Variants in MLLT3 observed in about 807,000 individuals in gnomAD.
The protein encoded by MLLT3 is MLLT3 super elongation complex subunit.
MLLT3 carries 4 observed loss-of-function variants against 53.2 expected under a neutral mutation model. The ratio of observed to expected loss-of-function variants is 0.08; its 90% CI spans 0.04 to 0.17. The LOEUF (loss-of-function observed/expected upper bound fraction) is 0.17, where lower values mean the gene tolerates loss of function less well. Among genes scored for constraint, MLLT3 ranks in the 10% least tolerant of loss-of-function variants. MLLT3 has a pLI of 1.00. For synonymous variants in MLLT3, 283 were observed against 230.6 expected, an observed-to-expected ratio of 1.23 and a Z score of -2.06; for missense variants, 569 against 684.0, an observed-to-expected ratio of 0.83 and a Z score of 1.87.
chr9:20,448,505 T>TC lies in MLLT3; in HGVS notation c.277-240dup, dbSNP rs994204019. Among the ~76,000 whole-genome samples, 4 of 152,084 alleles carry TC rather than the reference T, an allele frequency of 2.6e-5. No homozygotes were observed. The highest frequency in any genetic ancestry group is 9.7e-5 in the African/African-American group (4 of 41,422). ...ATGAAATAAGAAAAACTTCTCTTCT[T>TC]CCCCATGATCTTTCAGGTGACAGGA... On this transcript the variant is annotated intron_variant, in intron 3 of 10. Coordinates refer to ENST00000380338, the MANE Select transcript of MLLT3 (RefSeq NM_004529.4). The surrounding 1 kb of genome is among the most constrained non-coding windows in gnomAD (Gnocchi z 4.0).
intron 2 of MLLT3, among the ~76,000 whole-genome samples, chr9:20,517,328 G>A (rs1210910593): frequency 6.6e-6 from 1 of 152,022 alleles, no homozygotes; most frequent in Non-Finnish European, 1.5e-5. Flanking sequence ...AGAGGGACCA[G>A]AAGGAGTGGC....
chr9:20,399,581 A>G (rs1288355157), intron 5 of MLLT3, among the ~76,000 whole-genome samples: 2 of 152,136 alleles, frequency 1.3e-5, no homozygotes, highest in African/African-American at 4.8e-5. Context: ...AAAAGTTTCA[A>G]AGAATAAGTG....
chr9:20,539,157 T>G (rs2119008308), intron 2 of MLLT3, among the ~76,000 whole-genome samples: 1 of 152,350 alleles, frequency 6.6e-6, no homozygotes. Flanking sequence ...ATGGATTGAC[T>G]CATCCCTTCA....
chr9:20,462,319 A>G (rs1227539179), intron 2 of MLLT3, among the ~76,000 whole-genome samples: 1 of 152,126 alleles, frequency 6.6e-6, no homozygotes, highest in Non-Finnish European at 1.5e-5. Flanking sequence ...TATTTCCTCC[A>G]TTTCCTTGAA....
chr9:20,419,322 A>G (rs1822949736), intron 4 of MLLT3, among the ~76,000 whole-genome samples: 1 of 152,178 alleles, frequency 6.6e-6, no homozygotes, highest in African/African-American at 2.4e-5. Flanking sequence ...AGCACAAAGT[A>G]AAAATACAAA....
In MLLT3 at chr9:20,504,415, TA is replaced by T. The variant is rs1376232642; in HGVS notation, c.194-47630del. ...TAAAGGCTGAATACTATTCAGCCTTTAAAAAGAAGGAAATCCTGTCATTTTC... is the reference window on the plus strand; with the variant it reads ...TAAAGGCTGAATACTATTCAGCCTTTAAAAGAAGGAAATCCTGTCATTTTC... On this transcript the variant is annotated intron_variant, in intron 2 of 10. Coordinates refer to ENST00000380338, the MANE Select transcript of MLLT3 (RefSeq NM_004529.4). Among the ~76,000 whole-genome samples, 3 of 151,976 alleles carry T rather than the reference TA, an allele frequency of 2.0e-5. No homozygotes were observed. In the East Asian group the frequency reaches 5.8e-4, roughly 29 times the overall value.
intron 2 of MLLT3, among the ~76,000 whole-genome samples, chr9:20,545,254 T>C (rs972130894): frequency 1.3e-5 from 2 of 152,128 alleles, no homozygotes; most frequent in African/African-American, 2.4e-5. Flanking sequence ...AATTCTGTCA[T>C]ATACTATAAG....
intron 5 of MLLT3, among the ~76,000 whole-genome samples, chr9:20,391,720 T>C (rs1461209521): frequency 1.3e-5 from 2 of 152,342 alleles, no homozygotes; most frequent in East Asian, 3.9e-4. Flanking sequence ...CTACCATGTT[T>C]TTCCTAAAAC....
At chr9:20,351,370 A>G (rs1194842950) in intron 10 of MLLT3, among the ~76,000 whole-genome samples, 2 of 152,218 alleles carry the variant, frequency 1.3e-5, no homozygotes, top group African/African-American at 2.4e-5. Context: ...GGGAGGTTAC[A>G]TATGTTCAAT....
intron 2 of MLLT3, among the ~76,000 whole-genome samples, chr9:20,498,581 C>T (rs894920218): frequency 6.6e-6 from 1 of 152,146 alleles, no homozygotes; most frequent in African/African-American, 2.4e-5. Context: ...GCTTTCAATG[C>T]GGCCCAACAC....
At chr9:20,559,637 A>AC (rs1365273525) in intron 2 of MLLT3, among the ~76,000 whole-genome samples, 1 of 151,918 alleles carries the variant, frequency 6.6e-6, no homozygotes, top group African/African-American at 2.4e-5. Context: ...AAATCACTTC[A>AC]CCCCTTTGAA....
chr9:20,471,480 A>G (rs1177265582), intron 2 of MLLT3, among the ~76,000 whole-genome samples: 2 of 152,158 alleles, frequency 1.3e-5, no homozygotes, highest in East Asian at 3.9e-4. Context: ...TAAAGATACC[A>G]GATTTAGAGC....
At position 20,622,393 on chromosome 9, in the gene MLLT3, T is replaced by G; in HGVS notation, c.-137A>C. On this transcript the variant is annotated 5_prime_UTR_variant, in exon 1 of 11. Transcript: ENST00000380338. ...CGGAGGGTAGATGGCGGACATTCTC[T>G]GCCTTTTTCCCCCCGCGCTCGCTTG... 5.1e-6 allele frequency: 4 copies of G among 787,732 alleles called. No individual in the cohort carries two copies. Among genetic ancestry groups the G allele is most frequent in the South Asian group, 2.1e-5 (1 of 48,452 alleles). 48.8% of individuals were successfully genotyped at this position (787,732 alleles called of 1,614,324 possible).
In MLLT3 at chr9:20,369,991, C is replaced by A. The variant is rs550575644; in HGVS notation, c.1126-4247G>T. Among the ~76,000 whole-genome samples, 5 of 152,260 alleles carry A rather than the reference C, an allele frequency of 3.3e-5. No individual in the cohort carries two copies. In the East Asian group the frequency reaches 9.6e-4, roughly 29 times the overall value. ...ATTTTTTCCCCTTCTTAATATAACA[C>A]CTGTTTGTAAAATATCAAAATTCTC... On this transcript the variant is annotated intron_variant, in intron 5 of 10. Transcript: ENST00000380338.
At chr9:20,613,939 A>G (rs921962742) in intron 2 of MLLT3, among the ~76,000 whole-genome samples, 2 of 152,212 alleles carry the variant, frequency 1.3e-5, no homozygotes, top group Non-Finnish European at 2.9e-5. Context: ...AATGTCAAAG[A>G]TGTCCACCAC....
At chr9:20,546,160 A>T (rs1818781655) in intron 2 of MLLT3, among the ~76,000 whole-genome samples, 1 of 152,266 alleles carries the variant, frequency 6.6e-6, no homozygotes, top group South Asian at 2.1e-4. Context: ...CCCAACACAC[A>T]GGAACGTAGG....
intron 8 of MLLT3, among the ~76,000 whole-genome samples, chr9:20,358,457 G>C (rs907900893): frequency 3.3e-5 from 5 of 152,186 alleles, no homozygotes; most frequent in Non-Finnish European, 7.4e-5. Context: ...CAAGGAACCA[G>C]GAGTATGCTA....
chr9:20,421,516 A>C (rs902531438), intron 4 of MLLT3, among the ~76,000 whole-genome samples: 5 of 152,168 alleles, frequency 3.3e-5, no homozygotes, highest in Non-Finnish European at 7.4e-5. Context: ...AAACATTATA[A>C]TACCCAACAT....
intron 4 of MLLT3, among the ~76,000 whole-genome samples, chr9:20,444,230 G>A (rs540984956): frequency 6.6e-6 from 1 of 152,088 alleles, no homozygotes; most frequent in Non-Finnish European, 1.5e-5. Context: ...ATCCTAATGA[G>A]CACAATTTGA....
Sources: allele counts gnomAD v4.1 joint callset (sites outside exome capture counted in the v4.1 genomes callset), GRCh38; gene constraint gnomAD v4.1.1; non-coding constraint Gnocchi (gnomAD v3.1); transcripts MANE v1.5; gene names NCBI Gene and HGNC (gene_info 2026-07-23, HGNC 2026-07-21).